DYM: variants seen among roughly 807,000 people sequenced by gnomAD.
DYM encodes the protein dyggve-Melchior-Clausen syndrome protein.
Under a neutral mutation model 93.1 loss-of-function variants are expected in DYM, and 78 were observed. The observed-to-expected ratio is 0.84, with a 90% CI of 0.70 to 1.01. The LOEUF (loss-of-function observed/expected upper bound fraction) is 1.01, where lower values mean the gene tolerates loss of function less well. DYM is among the 50% of genes least tolerant of loss of function. The pLI is 0.00. For synonymous variants in DYM, 321 were observed against 319.7 expected, an observed-to-expected ratio of 1.00 and a Z score of -0.04; for missense variants, 789 against 845.0, an observed-to-expected ratio of 0.93 and a Z score of 0.82.
intron 6 of DYM, among the ~76,000 whole-genome samples, chr18:49,334,887 C>T (rs1287085045): frequency 6.6e-6 from 1 of 152,140 alleles, no homozygotes. Flanking sequence ...GGGTGGATCA[C>T]CTGAGGTCAG....
intron 15 of DYM, among the ~76,000 whole-genome samples, chr18:49,158,832 T>A (rs2086740663): frequency 6.6e-6 from 1 of 152,134 alleles, no homozygotes; most frequent in South Asian, 2.1e-4. Flanking sequence ...GATCTAGTAT[T>A]TGATAATAGC....
Position 49,038,789 on chromosome 18 carries a change from T to C in DYM, c.*5266A>G, listed in dbSNP as rs982019856. 3.9e-5 allele frequency among the ~76,000 whole-genome samples: 6 copies of C among 152,248 alleles called. No individual in the cohort carries two copies. The highest frequency in any genetic ancestry group is 7.3e-5 in the Non-Finnish European group (5 of 68,040). On this transcript the variant is annotated 3_prime_UTR_variant, in exon 18 of 18. Coordinates refer to ENST00000675505, the MANE Select transcript of DYM (RefSeq NM_001353214.3). Reference sequence around the variant, plus strand: ...TTATTATGTGGAAAGCTATACACTTTTATTGATATCTCAAATATTATCATG... The same window carrying C: ...TTATTATGTGGAAAGCTATACACTTCTATTGATATCTCAAATATTATCATG...
chr18:49,395,278 C>CAA (rs201097965), intron 2 of DYM, among the ~76,000 whole-genome samples: 1 of 145,818 alleles, frequency 6.9e-6, no homozygotes, highest in African/African-American at 2.5e-5. Context: ...AACTCAATGG[C>CAA]AAAAAAAAAA....
chr18:49,356,965 CTAAAAA>C (rs1239896225), intron 6 of DYM, among the ~76,000 whole-genome samples: 1 of 152,004 alleles, frequency 6.6e-6, no homozygotes, highest in Non-Finnish European at 1.5e-5. Context: ...ACAGAGAACC[CTAAAAA>C]TAATCAAATC....
At chr18:49,255,541 C>T (rs142690063) in intron 13 of DYM, among the ~76,000 whole-genome samples, 1,563 of 151,398 alleles carry the variant, frequency 0.01, 26 homozygotes, top group African/African-American at 0.036. Context: ...GGCGTGGTGG[C>T]GTGTGCCTGT....
At chr18:49,356,306 C>A (rs186494720) in intron 6 of DYM, among the ~76,000 whole-genome samples, 2 of 152,234 alleles carry the variant, frequency 1.3e-5, no homozygotes, top group East Asian at 1.9e-4. Flanking sequence ...AGGAAAAATT[C>A]TCTGAAGGCA....
At chr18:49,327,418 G>A (rs536643398) in intron 8 of DYM, among the ~76,000 whole-genome samples, 25 of 152,044 alleles carry the variant, frequency 1.6e-4, no homozygotes, top group African/African-American at 4.3e-4. Flanking sequence ...GTGCGGTGGC[G>A]TGATCACAGC....
intron 2 of DYM, among the ~76,000 whole-genome samples, chr18:49,422,055 A>G (rs1057037286): frequency 1.3e-5 from 2 of 152,222 alleles, no homozygotes; most frequent in African/African-American, 2.4e-5. Flanking sequence ...TGACGGGGAG[A>G]ATGGAACCAA....
chr18:49,415,216 A>T (rs771555641), intron 2 of DYM, among the ~76,000 whole-genome samples: 14 of 150,850 alleles, frequency 9.3e-5, no homozygotes, highest in Non-Finnish European at 1.8e-4. Context: ...GCTACTCAGG[A>T]GCCTGAGGCA....
At chr18:49,116,012 A>G (rs1258614087) in intron 16 of DYM, 2 of 152,230 alleles carry the variant, frequency 1.3e-5, no homozygotes, top group Non-Finnish European at 2.9e-5. Context: ...GGTAGATGCA[A>G]TAGCCACCCT....
At chr18:49,140,215 C>T (rs983900418) in intron 15 of DYM, among the ~76,000 whole-genome samples, 1 of 152,188 alleles carries the variant, frequency 6.6e-6, no homozygotes, top group Non-Finnish European at 1.5e-5. Context: ...CATACACACA[C>T]ACAGTTGTCA....
At chr18:49,145,966 A>G (rs554483112) in intron 15 of DYM, among the ~76,000 whole-genome samples, 42 of 152,010 alleles carry the variant, frequency 2.8e-4, no homozygotes, top group Admixed American at 1.2e-3. Context: ...GAATAACTTT[A>G]TATAACTCCC....
chr18:49,151,349 C>A (rs547596194), intron 15 of DYM, among the ~76,000 whole-genome samples: 6 of 152,116 alleles, frequency 3.9e-5, no homozygotes, highest in Non-Finnish European at 8.8e-5. Flanking sequence ...TTCTCGAATA[C>A]AATTTGTTTT....
At chr18:49,381,027 C>T (rs1351418747) in intron 3 of DYM, among the ~76,000 whole-genome samples, 9 of 151,876 alleles carry the variant, frequency 5.9e-5, no homozygotes, top group Admixed American at 5.2e-4. Flanking sequence ...AACAGGGTCT[C>T]GGTCTACCAC....
intron 13 of DYM, among the ~76,000 whole-genome samples, chr18:49,239,454 G>C (rs929660839): frequency 6.6e-6 from 1 of 152,176 alleles, no homozygotes; most frequent in African/African-American, 2.4e-5. Flanking sequence ...CAGCACTTAT[G>C]CCCTTCTGTG....
intron 13 of DYM, among the ~76,000 whole-genome samples, chr18:49,242,614 G>A (rs527792674): frequency 2.0e-5 from 3 of 152,322 alleles, no homozygotes; most frequent in East Asian, 1.9e-4. Flanking sequence ...AGTCAAGTTC[G>A]ATGAAGGAAG....
chr18:49,343,972 T>C (rs1230195490), intron 6 of DYM, among the ~76,000 whole-genome samples: 1 of 149,626 alleles, frequency 6.7e-6, no homozygotes, highest in Non-Finnish European at 1.5e-5. Context: ...AAAAAATCAC[T>C]AGACTCCTGG....
Position 49,380,964 on chromosome 18 carries a change from T to G in DYM, c.194-1206A>C, listed in dbSNP as rs187479128. ...AGGCTGCCAGGAAAGTTCATTCTTATGCAGATCTGGGAATTTCGCATATAT... is the reference window on the plus strand; with the variant it reads ...AGGCTGCCAGGAAAGTTCATTCTTAGGCAGATCTGGGAATTTCGCATATAT... On this transcript the variant is annotated intron_variant, in intron 3 of 17. Coordinates refer to ENST00000675505, the MANE Select transcript of DYM (RefSeq NM_001353214.3). Among the ~76,000 whole-genome samples the G allele has an allele frequency of 6.6e-5, 10 of 152,282 alleles. No individual in the cohort carries two copies. The East Asian group carries it at 1.7e-3, about 26-fold the overall frequency.
At position 49,059,104 on chromosome 18, in the gene DYM, A is replaced by G. The variant is rs572771219; in HGVS notation, c.2026-14900T>C. Among the ~76,000 whole-genome samples the G allele has an allele frequency of 8.5e-5, 13 of 152,346 alleles. No homozygotes were observed. The South Asian group carries it at 2.1e-3, about 24-fold the overall frequency. On this transcript the variant is annotated intron_variant, in intron 17 of 17. Transcript: ENST00000675505. The stretch of plus-strand genomic sequence containing the variant: ...ACGAAACACTTTCTGATGAAGAAAG[A>G]TGTTTCAAGATAAAACTTCTGATTA...
Sources: allele counts gnomAD v4.1 joint callset (sites outside exome capture counted in the v4.1 genomes callset), GRCh38; gene constraint gnomAD v4.1.1; transcripts MANE v1.5; gene names NCBI Gene and HGNC (gene_info 2026-07-23, HGNC 2026-07-21).